HIVEP3: variants seen among roughly 807,000 people sequenced by gnomAD.
HIVEP3 encodes transcription factor HIVEP3.
HIVEP3 carries 49 observed loss-of-function variants against 152.8 expected under a neutral mutation model. The ratio of observed to expected loss-of-function variants is 0.32; its 90% CI spans 0.26 to 0.41. The LOEUF is 0.41. Ranked by LOEUF, HIVEP3 falls within the 10% of genes least tolerant of loss-of-function variation. The pLI, the probability that HIVEP3 is intolerant of heterozygous loss-of-function variation, is 1.00. For missense variants in HIVEP3, 2,790 were observed against 3,103.3 expected (o/e 0.90, Z 2.40); for synonymous variants, 1,269 against 1,289.0 (o/e 0.98, Z 0.33).
At chr1:41,852,348 G>A (rs1483284146) in intron 1 of HIVEP3, among the ~76,000 whole-genome samples, 1 of 152,238 alleles carries the variant, frequency 6.6e-6, no homozygotes, top group Non-Finnish European at 1.5e-5. Context: ...AGGCCACAGA[G>A]GGACACAGGG....
chr1:41,943,021 T>G (rs1645055601), intron 1 of HIVEP3, among the ~76,000 whole-genome samples: 1 of 152,138 alleles, frequency 6.6e-6, no homozygotes, highest in Admixed American at 6.5e-5. Flanking sequence ...TGCCTCAGCC[T>G]CCCAAGTAGC....
intron 1 of HIVEP3, among the ~76,000 whole-genome samples, chr1:41,759,190 T>A (rs958102942): frequency 1.1e-4 from 16 of 143,682 alleles, no homozygotes; most frequent in South Asian, 5.1e-4. Flanking sequence ...ACTTTTAAGG[T>A]CAAAAACTGC....
chr1:41,810,965 C>G (rs745504955), intron 1 of HIVEP3, among the ~76,000 whole-genome samples: 2 of 152,248 alleles, frequency 1.3e-5, no homozygotes, highest in African/African-American at 4.8e-5. Context: ...TATTTCTTGG[C>G]CTTGTGCCCT....
intron 1 of HIVEP3, among the ~76,000 whole-genome samples, chr1:41,980,606 T>C (rs2124509727): frequency 6.6e-6 from 1 of 152,340 alleles, no homozygotes; most frequent in Non-Finnish European, 1.5e-5. Context: ...GGAAATATTC[T>C]AAAACTGCAA....
rs144212147 is a variant in HIVEP3 at position 41,762,129 on chromosome 1, T to C, written c.-800-61134A>G. On this transcript the variant is annotated intron_variant, in intron 1 of 8. Coordinates refer to ENST00000372583, the MANE Select transcript of HIVEP3 (RefSeq NM_024503.5). The stretch of plus-strand genomic sequence containing the variant: ...TTGCATACCCACAAACCAATCAGCA[T>C]GCACTGCTCCATTCTGAGCCCATAA... Among the ~76,000 whole-genome samples the C allele has an allele frequency of 7.6e-3, 1,162 of 152,286 alleles. 10 individuals are homozygous for C. The highest frequency in any genetic ancestry group is 0.024 in the Middle Eastern group (7 of 294).
At chr1:41,886,866 G>C (rs1371658637) in intron 1 of HIVEP3, among the ~76,000 whole-genome samples, 1 of 152,004 alleles carries the variant, frequency 6.6e-6, no homozygotes, top group Non-Finnish European at 1.5e-5. Context: ...GAAAAAGAAA[G>C]TTTTCTCCTA....
rs375310438 is a variant in HIVEP3, at chr1:41,581,965, G to A, written c.2833C>T (p.Arg945Cys). 1.3e-5 allele frequency: 21 copies of A among 1,614,188 alleles called. No individual in the cohort carries two copies. The highest frequency in any genetic ancestry group is 1.6e-4 in the Middle Eastern group (1 of 6,062). The stretch of plus-strand genomic sequence containing the variant: ...TCATCCCTCTCAAACGAGGCTGAGC[G>A]GCTGGACCCACTCAAAGAGACATTG... ...ESNVSLSGSS[R>C]SASFERDDHG... is the part of the protein sequence containing the mutation. Residue 945 changes from arginine (R) to cysteine (C), a missense_variant, in exon 4 of 9, where the codon CGC becomes TGC. This residue lies in a region of HIVEP3 where 1,078 missense variants were observed against 1,165.3 expected (regional missense o/e 0.93). Transcript: ENST00000372583. This position sits in a 1 kb window ranked among gnomAD's most constrained non-coding sequence, Gnocchi z 4.5.
rs150445759 is a variant in HIVEP3 at position 41,595,185 on chromosome 1, C to T, written c.-521-9867G>A. On this transcript the variant is annotated intron_variant, in intron 3 of 8. Coordinates refer to ENST00000372583, the MANE Select transcript of HIVEP3 (RefSeq NM_024503.5). ...GAAGCTGATGAAATTCCTCCAACTG[C>T]CTCCTAATCACCTTGCTTCCAGGTT... 9.8e-5 allele frequency among the ~76,000 whole-genome samples: 15 copies of T among 152,334 alleles called. No homozygotes were observed. In the East Asian group the frequency reaches 2.9e-3, roughly 29 times the overall value.
chr1:41,892,183 T>C (rs1339408296), intron 1 of HIVEP3, among the ~76,000 whole-genome samples: 1 of 152,190 alleles, frequency 6.6e-6, no homozygotes, highest in East Asian at 1.9e-4. Context: ...CATAGCTCTC[T>C]TTAAATGAGT....
At chr1:41,878,082 C>T (rs1370732835) in intron 1 of HIVEP3, among the ~76,000 whole-genome samples, 1 of 152,156 alleles carries the variant, frequency 6.6e-6, no homozygotes, top group Non-Finnish European at 1.5e-5. Flanking sequence ...TTTACAACTC[C>T]TACAAAGCCT....
At chr1:41,767,340 C>T (rs553788312) in intron 1 of HIVEP3, among the ~76,000 whole-genome samples, 36 of 152,352 alleles carry the variant, frequency 2.4e-4, no homozygotes, top group Admixed American at 4.6e-4. Context: ...CCCCCAACCG[C>T]TAGAGCTCTG....
chr1:41,645,001 C>T (rs972295177), intron 2 of HIVEP3, among the ~76,000 whole-genome samples: 2 of 152,190 alleles, frequency 1.3e-5, no homozygotes, highest in African/African-American at 4.8e-5. Flanking sequence ...GTACCCAAAG[C>T]TTCACAGTGA....
intron 1 of HIVEP3, among the ~76,000 whole-genome samples, chr1:41,963,411 T>A (rs1645180033): frequency 1.3e-5 from 2 of 151,864 alleles, no homozygotes; most frequent in African/African-American, 4.8e-5. Flanking sequence ...TCCAGCTTCA[T>A]CCATGTCCTT....
chr1:41,879,965 C>T (rs1644234920), intron 1 of HIVEP3, among the ~76,000 whole-genome samples: 1 of 152,190 alleles, frequency 6.6e-6, no homozygotes, highest in Non-Finnish European at 1.5e-5. Flanking sequence ...TTAAACCTCA[C>T]CACAGTCCTA....
At chr1:41,947,284 C>T (rs768398324) in intron 1 of HIVEP3, among the ~76,000 whole-genome samples, 11 of 152,216 alleles carry the variant, frequency 7.2e-5, no homozygotes, top group Non-Finnish European at 1.2e-4. Context: ...GCCACCCAAG[C>T]GCTCTTTAAT....
At chr1:41,962,668 C>A (rs1212988960) in intron 1 of HIVEP3, among the ~76,000 whole-genome samples, 1 of 152,210 alleles carries the variant, frequency 6.6e-6, no homozygotes, top group Non-Finnish European at 1.5e-5. Flanking sequence ...TTCAAATTCA[C>A]CTCATCACAC....
intron 2 of HIVEP3, among the ~76,000 whole-genome samples, chr1:41,688,227 C>T (rs552602924): frequency 5.3e-4 from 80 of 152,298 alleles, no homozygotes; most frequent in African/African-American, 1.9e-3. Context: ...CTCCTCTGAC[C>T]CCTTCTGTTG....
Position 41,900,553 on chromosome 1 carries a change from C to T in HIVEP3, c.-801+17860G>A, listed in dbSNP as rs13375441. On this transcript the variant is annotated intron_variant, in intron 1 of 8. Coordinates refer to ENST00000372583, the MANE Select transcript of HIVEP3 (RefSeq NM_024503.5). ...TACCCCCTTATTGCCTCTCCCTGGG[C>T]TGGGCCTCTCTATCCCTTCCCTCTC... 9.4e-3 allele frequency among the ~76,000 whole-genome samples: 1,436 copies of T among 152,226 alleles called. 21 individuals carry two copies. The highest frequency in any genetic ancestry group is 0.033 in the African/African-American group (1,378 of 41,512).
chr1:41,523,751 C>T (rs895239145), intron 6 of HIVEP3, among the ~76,000 whole-genome samples: 1 of 152,150 alleles, frequency 6.6e-6, no homozygotes, highest in Non-Finnish European at 1.5e-5. Context: ...TGAGTTTCAC[C>T]CCCTGAGAAA....
Sources: gnomAD v4.1 joint callset for allele counts (sites outside exome capture counted in the v4.1 genomes callset) on GRCh38, gnomAD v4.1.1 for gene constraint, gnomAD v4.1.1 regional missense constraint, Gnocchi (gnomAD v3.1) non-coding constraint, MANE v1.5 for transcripts, NCBI Gene and HGNC (gene_info 2026-07-23, HGNC 2026-07-21) for gene names.